Variants in MAGI2 observed in about 807,000 individuals in gnomAD.
MAGI2 encodes membrane associated guanylate kinase, WW and PDZ domain containing 2.
In MAGI2, 35 loss-of-function variants were observed where a neutral mutation model predicts 133.3. The ratio of observed to expected loss-of-function variants is 0.26; its 90% confidence interval spans 0.20 to 0.35. The LOEUF is 0.35. MAGI2 is among the 10% of genes least tolerant of loss of function. The pLI, the probability that MAGI2 is intolerant of heterozygous loss-of-function variation, is 1.00. For missense variants in MAGI2, 1,636 were observed against 1,863.4 expected, an observed-to-expected ratio of 0.88 and a Z score of 2.25; for synonymous variants, 729 against 710.6, an observed-to-expected ratio of 1.03 and a Z score of -0.41.
intron 6 of MAGI2, chr7:78,486,224 G>A (rs4140815): frequency 0.31 from 47,267 of 151,870 alleles, 8,049 homozygotes; most frequent in East Asian, 0.61. Context: ...CAATTCTGGA[G>A]CTGCAGGATC....
At chr7:78,166,484 A>C (rs918982610) in intron 15 of MAGI2, among the ~76,000 whole-genome samples, 1 of 152,236 alleles carries the variant, frequency 6.6e-6, no homozygotes, top group Non-Finnish European at 1.5e-5. Context: ...GTCAAGTGAC[A>C]TGCCATGAAT....
At chr7:78,884,416 C>T (rs1563621759) in intron 2 of MAGI2, among the ~76,000 whole-genome samples, 1 of 151,968 alleles carries the variant, frequency 6.6e-6, no homozygotes, top group African/African-American at 2.4e-5. Context: ...TCTGGGAGGT[C>T]GAGGCTGCAG....
At chr7:78,370,708 C>G (rs1455666798) in intron 6 of MAGI2, among the ~76,000 whole-genome samples, 4 of 151,830 alleles carry the variant, frequency 2.6e-5, no homozygotes, top group Admixed American at 6.6e-5. Context: ...ATTCCTCATC[C>G]AAAACTTTTA....
chr7:79,329,231 T>A (rs1839902269), intron 1 of MAGI2, among the ~76,000 whole-genome samples: 2 of 152,202 alleles, frequency 1.3e-5, no homozygotes, highest in South Asian at 4.1e-4. Context: ...AGATCAATAT[T>A]TTCCATCCAG....
At chr7:79,445,867 A>ATATGTT (rs1421288957) in intron 1 of MAGI2, among the ~76,000 whole-genome samples, 3 of 152,234 alleles carry the variant, frequency 2.0e-5, no homozygotes. Context: ...ACATGCCCAC[A>ATATGTT]TATGTTTATT....
intron 6 of MAGI2, among the ~76,000 whole-genome samples, chr7:78,440,930 C>T (rs775845638): frequency 6.6e-6 from 1 of 152,018 alleles, no homozygotes; most frequent in Non-Finnish European, 1.5e-5. Context: ...TCCCACCTGG[C>T]AACAGAGTGA....
At chr7:78,458,168 C>T (rs1324571040) in intron 6 of MAGI2, among the ~76,000 whole-genome samples, 1 of 151,994 alleles carries the variant, frequency 6.6e-6, no homozygotes, top group South Asian at 2.1e-4. Context: ...TGGTGGCACA[C>T]CCCTGTAATC....
At chr7:78,061,304 C>G (rs946010438) in intron 21 of MAGI2, among the ~76,000 whole-genome samples, 1 of 151,148 alleles carries the variant, frequency 6.6e-6, no homozygotes, top group African/African-American at 2.4e-5. Context: ...TAAAGGCTGT[C>G]TAATCCGGGG....
intron 1 of MAGI2, among the ~76,000 whole-genome samples, chr7:79,183,040 A>G (rs1451943699): frequency 6.6e-6 from 1 of 151,918 alleles, no homozygotes; most frequent in Non-Finnish European, 1.5e-5. Flanking sequence ...AGAAGCTGAG[A>G]AAGGTGTATG....
intron 3 of MAGI2, among the ~76,000 whole-genome samples, chr7:78,587,015 G>A (rs1045384048): frequency 6.6e-6 from 1 of 152,036 alleles, no homozygotes; most frequent in Non-Finnish European, 1.5e-5. Context: ...TTTGGCTATT[G>A]TAAATAATGC....
chr7:79,378,773 G>A (rs969807628), intron 1 of MAGI2, among the ~76,000 whole-genome samples: 1 of 150,680 alleles, frequency 6.6e-6, no homozygotes, highest in African/African-American at 2.4e-5. Flanking sequence ...GAAGAATATG[G>A]AAAAGAACAG....
At chr7:78,244,184 A>G (rs987060051) in intron 10 of MAGI2, among the ~76,000 whole-genome samples, 4 of 149,840 alleles carry the variant, frequency 2.7e-5, no homozygotes, top group Admixed American at 6.6e-5. Flanking sequence ...AAAAAAAAAA[A>G]AAAAAAAAAG....
intron 1 of MAGI2, chr7:79,414,350 C>G (rs1335364635): frequency 6.6e-6 from 1 of 151,986 alleles, no homozygotes; most frequent in Non-Finnish European, 1.5e-5. Flanking sequence ...TCTTCAAGTA[C>G]CTATTTTGTT....
rs555364629 is a variant in MAGI2 at position 78,414,098 on chromosome 7, GT to G, written c.1046-44886del. Among the ~76,000 whole-genome samples the G allele has an allele frequency of 2.0e-3, 307 of 152,028 alleles. 1 individual carries two copies. Among genetic ancestry groups the G allele is most frequent in the Admixed American group, 8.8e-3 (134 of 15,252 alleles). ...AAATTTGAGCATCTGTTCCCTCAGT[GT>G]TTTACTTCTGAAGGCAGTTGATGTA... On this transcript the variant is annotated intron_variant, in intron 6 of 21. Coordinates refer to ENST00000354212, the MANE Select transcript of MAGI2 (RefSeq NM_012301.4).
intron 2 of MAGI2, among the ~76,000 whole-genome samples, chr7:78,891,424 G>A (rs868688374): frequency 2.0e-5 from 3 of 151,942 alleles, no homozygotes; most frequent in African/African-American, 7.2e-5. Flanking sequence ...AGACACAACA[G>A]AAAAAGAGAA....
At chr7:78,138,625 T>TCACACATACACACACACACA (rs1491145483) in intron 16 of MAGI2, among the ~76,000 whole-genome samples, 22 of 129,496 alleles carry the variant, frequency 1.7e-4, no homozygotes, top group East Asian at 4.6e-4. Context: ...AAACATAGAT[T>TCACACATACACACACACACA]CACACACACA....
chr7:78,377,490 C>G lies in MAGI2; in HGVS notation c.1046-8277G>C, dbSNP rs183466826. Among the ~76,000 whole-genome samples, 24 of 151,770 alleles carry G rather than the reference C, an allele frequency of 1.6e-4. No individual in the cohort carries two copies. The East Asian group carries it at 4.7e-3, about 30-fold the overall frequency. Reference sequence around the variant, plus strand: ...GGTTGACAGTGAGCAGAATAACATTCTTGGGAAGGCCCAGCTTCTGAAGAA... The same window carrying G: ...GGTTGACAGTGAGCAGAATAACATTGTTGGGAAGGCCCAGCTTCTGAAGAA... On this transcript the variant is annotated intron_variant, in intron 6 of 21. Transcript: ENST00000354212.
Position 78,559,935 on chromosome 7 carries a change from AAAGAAT to A in MAGI2, c.539-38296_539-38291del, listed in dbSNP as rs1307582950. On this transcript the variant is annotated intron_variant, in intron 3 of 21. Coordinates refer to ENST00000354212, the MANE Select transcript of MAGI2 (RefSeq NM_012301.4). The stretch of plus-strand genomic sequence containing the variant: ...CAGTCCTACAAGGAAGAAAATGAGA[AAAGAAT>A]AAGAAAAAATAGGGACTAAAGTAGA... Among the ~76,000 whole-genome samples the A allele has an allele frequency of 2.6e-5, 4 of 152,278 alleles. No homozygotes were observed. In the East Asian group the frequency reaches 7.7e-4, roughly 29 times the overall value.
intron 9 of MAGI2, among the ~76,000 whole-genome samples, chr7:78,276,655 G>A (rs1350971447): frequency 6.7e-6 from 1 of 149,836 alleles, no homozygotes; most frequent in Non-Finnish European, 1.5e-5. Flanking sequence ...AGTGAATATA[G>A]GTAAAAGATA....
Sources: allele counts gnomAD v4.1 joint callset (sites outside exome capture counted in the v4.1 genomes callset), GRCh38; gene constraint gnomAD v4.1.1; transcripts MANE v1.5; gene names NCBI Gene and HGNC (gene_info 2026-07-23, HGNC 2026-07-21).